The following CD247 variants were observed in gnomAD, a reference collection of about 807,000 sequenced individuals.
CD247 encodes the protein T-cell surface glycoprotein CD3 zeta chain.
Under a neutral mutation model 30.0 loss-of-function variants are expected in CD247, and 13 were observed. The observed-to-expected ratio is 0.43, with a 90% CI of 0.28 to 0.69. CD247 has a LOEUF of 0.69. Among genes scored for constraint, CD247 ranks in the 30% least tolerant of loss-of-function variants. CD247 has a pLI of 0.16. For synonymous variants in CD247, 72 were observed against 80.0 expected, an observed-to-expected ratio of 0.90 and a Z score of 0.53; for missense variants, 193 against 212.6, an observed-to-expected ratio of 0.91 and a Z score of 0.57.
At position 167,431,598 on chromosome 1, in the gene CD247, A is replaced by G; in HGVS notation, c.*83T>C. ...ATACTTCAGTGGCTGAGAAGAGTGA[A>G]CCGGGTTGTAAATGCTTCATCCTGT... On this transcript the variant is annotated 3_prime_UTR_variant, in exon 8 of 8. Coordinates refer to ENST00000362089, the MANE Select transcript of CD247 (RefSeq NM_198053.3). 1 of 1,107,902 alleles carries G rather than the reference A, an allele frequency of 9.0e-7. No homozygotes were observed. Among genetic ancestry groups the G allele is most frequent in the Non-Finnish European group, 1.4e-6 (1 of 717,634 alleles). The allele number at this position is 1,107,902 out of a possible 1,614,324, so 68.6% of individuals were successfully genotyped here. A position where few individuals can be genotyped will look rare whatever the true frequency, so the allele number is the denominator to read the frequency against.
chr1:167,477,170 C>T (rs940068793), intron 1 of CD247, among the ~76,000 whole-genome samples: 8 of 152,178 alleles, frequency 5.3e-5, no homozygotes, highest in African/African-American at 1.9e-4. Context: ...CCTCTGCCTA[C>T]CTGGAATGCC....
intron 2 of CD247, 99 bp from the exon 3 acceptor site, chr1:167,439,499 G>T: frequency 2.9e-6 from 3 of 1,041,546 alleles, no homozygotes; most frequent in Non-Finnish European, 4.5e-6. Context: ...GCCCTACTCC[G>T]CTCCTTGGCA....
chr1:167,466,240 T>TA (rs1309496167), intron 1 of CD247, among the ~76,000 whole-genome samples: 1 of 152,186 alleles, frequency 6.6e-6, no homozygotes, highest in Non-Finnish European at 1.5e-5. Flanking sequence ...TAGAAGTACC[T>TA]AAAATCAAAC....
At chr1:167,432,484 G>A (rs536565880) in intron 7 of CD247, among the ~76,000 whole-genome samples, 5 of 152,334 alleles carry the variant, frequency 3.3e-5, no homozygotes, top group African/African-American at 7.2e-5. Context: ...ATGACAACCC[G>A]CTGGGGATCA....
rs1484491248 is a variant in CD247, at chr1:167,434,069, T to C, written c.344A>G (p.Gln115Arg). ...GTAGGCCTCCGCCATCTTATCTTTC[T>C]GCAGTTCCTGCAGAAGAGGGCGTGG... Reference protein sequence around the residue: ...NPQEGLYNELQKDKMAEAYSE... With the variant: ...NPQEGLYNELRKDKMAEAYSE... Residue 115 changes from glutamine (Q) to arginine (R), a missense_variant, in exon 6 of 8, where the codon CAG becomes CGG. By Grantham distance (43) the Gln-to-Arg change is conservative. Transcript: ENST00000362089. 4 of 1,614,080 alleles carry C rather than the reference T, an allele frequency of 2.5e-6. No individual in the cohort carries two copies. The highest frequency in any genetic ancestry group is 1.1e-5 in the South Asian group (1 of 91,074).
chr1:167,446,478 C>A (rs1401295713), intron 1 of CD247, among the ~76,000 whole-genome samples: 1 of 152,166 alleles, frequency 6.6e-6, no homozygotes. Context: ...TGCAGAAGGG[C>A]TTTGACAAGA....
chr1:167,434,453 G>A (rs558435071), intron 5 of CD247: 25 of 359,132 alleles, frequency 7.0e-5, no homozygotes, highest in South Asian at 4.2e-4. Flanking sequence ...ACAGCCAAAC[G>A]GGCTGTAGAT....
intron 1 of CD247, among the ~76,000 whole-genome samples, chr1:167,450,855 G>A (rs1234947790): frequency 4.0e-5 from 6 of 149,712 alleles, no homozygotes; most frequent in African/African-American, 1.5e-4. Context: ...ACAGGTTGCA[G>A]TGAGCTGAGA....
intron 1 of CD247, among the ~76,000 whole-genome samples, chr1:167,443,923 T>A (rs901834230): frequency 6.6e-6 from 1 of 152,214 alleles, no homozygotes; most frequent in Admixed American, 6.5e-5. Context: ...GAAAGCTCCA[T>A]GCAGGGATGC....
chr1:167,458,747 G>C (rs1462746232), intron 1 of CD247: 4 of 138,448 alleles, frequency 2.9e-5, no homozygotes, highest in African/African-American at 1.1e-4. Context: ...GTCCAGGCTG[G>C]AGTGCAGTGG....
At position 167,467,098 on chromosome 1, in the gene CD247, A is replaced by G. The variant is rs555265426; in HGVS notation, c.59-26331T>C. ...CGTGATCCGCCCGCCTTGGCCTCCC[A>G]AAGTGCTGGGATTACAGGCGTGAGC... On this transcript the variant is annotated intron_variant, in intron 1 of 7. Transcript: ENST00000362089. Among the ~76,000 whole-genome samples, 63 of 152,110 alleles carry G rather than the reference A, an allele frequency of 4.1e-4. 2 individuals are homozygous for G. In the South Asian group the frequency reaches 4.6e-3, roughly 11 times the overall value.
chr1:167,515,778 C>T (rs946921241), intron 1 of CD247, among the ~76,000 whole-genome samples: 16 of 152,166 alleles, frequency 1.1e-4, no homozygotes, highest in Non-Finnish European at 2.4e-4. Flanking sequence ...TGCTTTATAA[C>T]ATATTGAAAG....
At chr1:167,468,957 TA>T (rs372097556) in intron 1 of CD247, among the ~76,000 whole-genome samples, 232 of 133,090 alleles carry the variant, frequency 1.7e-3, no homozygotes, top group Middle Eastern at 3.8e-3. Context: ...CAAACTGCAA[TA>T]AAAAAAAAAA....
At chr1:167,445,175 C>G (rs1652021508) in intron 1 of CD247, among the ~76,000 whole-genome samples, 1 of 152,126 alleles carries the variant, frequency 6.6e-6, no homozygotes, top group African/African-American at 2.4e-5. Flanking sequence ...ATCTGCCCGC[C>G]TCGGCCTCCC....
intron 1 of CD247, among the ~76,000 whole-genome samples, chr1:167,470,006 C>A (rs1030128606): frequency 6.6e-6 from 1 of 152,080 alleles, no homozygotes; most frequent in Non-Finnish European, 1.5e-5. Context: ...CTCCGCCTCC[C>A]AGGCTCAAGT....
At chr1:167,456,181 T>G (rs1490080197) in intron 1 of CD247, among the ~76,000 whole-genome samples, 3 of 152,204 alleles carry the variant, frequency 2.0e-5, no homozygotes, top group African/African-American at 7.2e-5. Flanking sequence ...ACATACCCAG[T>G]GCATGGAGAG....
At chr1:167,434,397 C>T in intron 5 of CD247, 1 of 429,752 alleles carries the variant, frequency 2.3e-6, no homozygotes, top group Non-Finnish European at 4.3e-6. Context: ...AACAAGGGCT[C>T]ACCTGGAGCC....
intron 1 of CD247, among the ~76,000 whole-genome samples, chr1:167,463,589 T>C (rs1653118335): frequency 6.6e-6 from 1 of 152,226 alleles, no homozygotes. Context: ...TGATCCTACA[T>C]TTCAGCCTCC....
chr1:167,475,266 A>C (rs1349075601), intron 1 of CD247, among the ~76,000 whole-genome samples: 1 of 152,146 alleles, frequency 6.6e-6, no homozygotes, highest in Non-Finnish European at 1.5e-5. Flanking sequence ...GCACAACATC[A>C]ACGATGATCA....
Sources: allele counts gnomAD v4.1 joint callset (sites outside exome capture counted in the v4.1 genomes callset), GRCh38; gene constraint gnomAD v4.1.1; transcripts MANE v1.5; gene names NCBI Gene and HGNC (gene_info 2026-07-23, HGNC 2026-07-21).